PTPRT: variants seen among roughly 807,000 people sequenced by gnomAD.
The protein encoded by PTPRT is receptor-type tyrosine-protein phosphatase T.
PTPRT carries 56 observed loss-of-function variants against 176.8 expected under a neutral mutation model. The observed-to-expected ratio is 0.32, with a 90% CI of 0.26 to 0.40. PTPRT has a LOEUF of 0.40. PTPRT is among the 10% of genes least tolerant of loss of function. The probability of loss-of-function intolerance (pLI) is 1.00; values close to 1 mark genes in which losing one functional copy is unlikely to be tolerated. For missense variants in PTPRT, 1,540 were observed against 1,908.2 expected, an observed-to-expected ratio of 0.81 and a Z score of 3.60; for synonymous variants, 783 against 739.0, an observed-to-expected ratio of 1.06 and a Z score of -0.96.
intron 1 of PTPRT, among the ~76,000 whole-genome samples, chr20:42,925,677 T>C (rs1051153140): frequency 6.6e-6 from 1 of 151,854 alleles, no homozygotes; most frequent in South Asian, 2.1e-4. Flanking sequence ...TGGAGAATCA[T>C]TCAGATTGCC....
intron 7 of PTPRT, among the ~76,000 whole-genome samples, chr20:42,675,236 AC>A (rs1483832803): frequency 6.6e-6 from 1 of 152,220 alleles, no homozygotes; most frequent in Non-Finnish European, 1.5e-5. Context: ...TTTCAAGGTA[AC>A]ATACCATCTG....
At chr20:42,546,503 G>A (rs2072677382) in intron 7 of PTPRT, among the ~76,000 whole-genome samples, 1 of 151,854 alleles carries the variant, frequency 6.6e-6, no homozygotes, top group Non-Finnish European at 1.5e-5. Flanking sequence ...GAAAGAAAGA[G>A]AAAGAAATAC....
rs192850737 is a variant in PTPRT, at chr20:42,746,131, T to C, written c.859+10331A>G. 1.6e-3 allele frequency among the ~76,000 whole-genome samples: 242 copies of C among 152,308 alleles called. 2 individuals are homozygous for C. The highest frequency in any genetic ancestry group is 0.014 in the Admixed American group (221 of 15,298). On this transcript the variant is annotated intron_variant, in intron 6 of 30. Transcript: ENST00000373187. ...CATCAGCATGCAGCTGATAAAGTAG[T>C]CAAAATAATTCAAGGAAACCAATAC...
Position 42,711,298 on chromosome 20 carries a change from C to A in PTPRT, c.860-33139G>T, listed in dbSNP as rs577333556. Among the ~76,000 whole-genome samples, 7 of 152,216 alleles carry A rather than the reference C, an allele frequency of 4.6e-5. 1 individual carries two copies. In the South Asian group the frequency reaches 1.2e-3, roughly 27 times the overall value. On this transcript the variant is annotated intron_variant, in intron 6 of 30. Transcript: ENST00000373187. ...AATGATATAGTTTGAATGTTTGCCC[C>A]CTCTACAAATCTCTTGTTGAAAAGT...
At chr20:42,647,179 G>A (rs2074925247) in intron 7 of PTPRT, among the ~76,000 whole-genome samples, 1 of 151,934 alleles carries the variant, frequency 6.6e-6, no homozygotes, top group Admixed American at 6.6e-5. Context: ...TTACAGGTGT[G>A]AACCACCATG....
chr20:42,203,248 T>C (rs920763562), intron 15 of PTPRT, among the ~76,000 whole-genome samples: 2 of 152,172 alleles, frequency 1.3e-5, no homozygotes, highest in Admixed American at 6.5e-5. Flanking sequence ...ATTTAAGTGT[T>C]AAAAAGACCT....
intron 11 of PTPRT, among the ~76,000 whole-genome samples, chr20:42,348,220 T>C (rs2058223458): frequency 6.6e-6 from 1 of 152,122 alleles, no homozygotes; most frequent in Admixed American, 6.6e-5. Flanking sequence ...GGTTAGTCAC[T>C]TCCCCTTCTA....
At chr20:42,320,775 A>C (rs1453936840) in intron 11 of PTPRT, among the ~76,000 whole-genome samples, 1 of 152,154 alleles carries the variant, frequency 6.6e-6, no homozygotes, top group Non-Finnish European at 1.5e-5. Flanking sequence ...GTCTCATCTC[A>C]AACCAAAGGC....
intron 1 of PTPRT, among the ~76,000 whole-genome samples, chr20:43,063,843 G>GT (rs1298146911): frequency 1.3e-5 from 2 of 152,174 alleles, no homozygotes; most frequent in African/African-American, 4.8e-5. Flanking sequence ...TCCATTCTGA[G>GT]TTCACATGAA....
chr20:42,544,432 G>A (rs1335396988), intron 7 of PTPRT, among the ~76,000 whole-genome samples: 1 of 152,190 alleles, frequency 6.6e-6, no homozygotes, highest in African/African-American at 2.4e-5. Flanking sequence ...ATTGAAGAGA[G>A]TTAGGACCTT....
intron 1 of PTPRT, among the ~76,000 whole-genome samples, chr20:43,064,829 G>C (rs899036727): frequency 2.0e-5 from 3 of 152,190 alleles, no homozygotes; most frequent in Admixed American, 2.0e-4. Context: ...AAGGTTAATG[G>C]AAAGTGTCAA....
chr20:42,542,853 G>A (rs2072607881), intron 7 of PTPRT, among the ~76,000 whole-genome samples: 1 of 152,190 alleles, frequency 6.6e-6, no homozygotes, highest in Non-Finnish European at 1.5e-5. Context: ...ATATTGAGCA[G>A]TGACTAAAAG....
chr20:42,406,674 A>G (rs1040819384), intron 9 of PTPRT, among the ~76,000 whole-genome samples: 6 of 152,208 alleles, frequency 3.9e-5, no homozygotes, highest in Admixed American at 3.3e-4. Flanking sequence ...ATGCCAAAAC[A>G]GGATACAAAT....
intron 1 of PTPRT, among the ~76,000 whole-genome samples, chr20:43,040,611 G>T (rs1333944101): frequency 6.6e-6 from 1 of 152,172 alleles, no homozygotes; most frequent in African/African-American, 2.4e-5. Context: ...CGCTGTCCTT[G>T]GTCCTGAAAG....
chr20:43,089,431 G>C (rs916440046), intron 1 of PTPRT, among the ~76,000 whole-genome samples: 21 of 152,200 alleles, frequency 1.4e-4, no homozygotes, highest in African/African-American at 5.1e-4. Flanking sequence ...TGGTCAGGCT[G>C]GTTTCAAATC....
At chr20:42,691,247 G>A (rs2037447505) in intron 6 of PTPRT, among the ~76,000 whole-genome samples, 1 of 152,362 alleles carries the variant, frequency 6.6e-6, no homozygotes, top group African/African-American at 2.4e-5. Context: ...ACAAAGTAGA[G>A]AGAAAGGGGG....
chr20:43,181,322 G>T (rs1457020961), intron 1 of PTPRT, among the ~76,000 whole-genome samples: 1 of 152,186 alleles, frequency 6.6e-6, no homozygotes, highest in Non-Finnish European at 1.5e-5. Flanking sequence ...TGCATTGGGG[G>T]AGTGACTTGT....
At chr20:42,392,607 A>G (rs1323256070) in intron 9 of PTPRT, among the ~76,000 whole-genome samples, 1 of 152,216 alleles carries the variant, frequency 6.6e-6, no homozygotes, top group Non-Finnish European at 1.5e-5. Context: ...AGATTGCAAC[A>G]TAATCACAGC....
At chr20:42,809,788 T>A (rs1023348711) in intron 2 of PTPRT, among the ~76,000 whole-genome samples, 7 of 152,132 alleles carry the variant, frequency 4.6e-5, no homozygotes, top group Non-Finnish European at 8.8e-5. Flanking sequence ...GGATTTAGGA[T>A]CCACCCTAAA....
Sources: gnomAD v4.1 joint callset for allele counts (sites outside exome capture counted in the v4.1 genomes callset) on GRCh38, gnomAD v4.1.1 for gene constraint, MANE v1.5 for transcripts, NCBI Gene and HGNC (gene_info 2026-07-23, HGNC 2026-07-21) for gene names.